Variants in N4BP2 observed in about 807,000 individuals in gnomAD.
The protein encoded by N4BP2 is NEDD4 binding protein 2.
A neutral mutation model predicts 152.8 loss-of-function variants in N4BP2; 91 were observed. The observed-to-expected ratio is 0.60, with a 90% CI of 0.50 to 0.71. The LOEUF is 0.71. N4BP2 is among the 30% of genes least tolerant of loss of function. The pLI, the probability that N4BP2 is intolerant of heterozygous loss-of-function variation, is 0.00. For missense variants in N4BP2, 1,923 were observed against 2,059.1 expected (o/e 0.93, Z 1.28); for synonymous variants, 646 against 705.3 (o/e 0.92, Z 1.33).
intron 2 of N4BP2, among the ~76,000 whole-genome samples, chr4:40,092,009 TA>T (rs1560584825): frequency 1.8e-3 from 27 of 14,806 alleles, no homozygotes; most frequent in East Asian, 2.8e-3. Context: ...AAAAAAAAAT[TA>T]TATATATATA....
At position 40,131,888 on chromosome 4, in the gene N4BP2, A is replaced by G. The variant is rs770932652; in HGVS notation, c.4615A>G (p.Asn1539Asp). 1.2e-6 allele frequency: 2 copies of G among 1,613,068 alleles called. No homozygotes were observed. Among genetic ancestry groups the G allele is most frequent in the Non-Finnish European group, 8.5e-7 (1 of 1,179,254 alleles). ...LFKIFPAINQNFLVDIFKDHN... is the reference protein window; with the variant it reads ...LFKIFPAINQDFLVDIFKDHN... ...TAAGATATTTCCAGCCATTAACCAA[A>G]ATTTTCTGGTGGACATTTTCAAGGA... The change falls in exon 13 of 18, where the codon AAT (asparagine) becomes GAT (aspartate). Residue 1539 changes from asparagine (N) to aspartate (D), a missense_variant. Physicochemically the swap from Asn to Asp is conservative, Grantham distance 23 (BLOSUM62 1). Coordinates refer to ENST00000261435, the MANE Select transcript of N4BP2 (RefSeq NM_018177.6).
In N4BP2 at chr4:40,102,503, G is replaced by C; in HGVS notation, c.658G>C (p.Val220Leu). Reference protein sequence around the residue: ...LSLNPLPSHSVLNESKCFIKD... With the variant: ...LSLNPLPSHSLLNESKCFIKD... ...TTTAAACCCATTACCTTCACATTCA[G>C]TTTTGAACGAGTCCAAGTGTTTTAT... Residue 220 changes from valine (V) to leucine (L), a missense_variant, in exon 4 of 18, where the codon GTT (valine) becomes CTT (leucine). Coordinates refer to ENST00000261435, the MANE Select transcript of N4BP2 (RefSeq NM_018177.6). 6.2e-7 allele frequency: 1 copy of C among 1,614,150 alleles called. No individual in the cohort carries two copies. The highest frequency in any genetic ancestry group is 8.5e-7 in the Non-Finnish European group (1 of 1,180,026).
At chr4:40,072,211 G>A (rs1419077366) in intron 1 of N4BP2, among the ~76,000 whole-genome samples, 3 of 151,016 alleles carry the variant, frequency 2.0e-5, no homozygotes, top group Non-Finnish European at 4.4e-5. Flanking sequence ...AGTAAGCTGA[G>A]ACTACAGGCG....
intron 14 of N4BP2, among the ~76,000 whole-genome samples, chr4:40,139,477 G>C: frequency 6.8e-6 from 1 of 146,784 alleles, no homozygotes. Flanking sequence ...TATTAATTTT[G>C]TATCAGCATT....
At chr4:40,091,756 G>A (rs1245319106) in intron 2 of N4BP2, among the ~76,000 whole-genome samples, 1 of 149,160 alleles carries the variant, frequency 6.7e-6, no homozygotes. Flanking sequence ...CCACAGGTAC[G>A]TACCACTATG....
intron 2 of N4BP2, among the ~76,000 whole-genome samples, chr4:40,095,293 C>T (rs1466929323): frequency 6.6e-6 from 1 of 152,046 alleles, no homozygotes; most frequent in East Asian, 1.9e-4. Flanking sequence ...GTTGGCCAGG[C>T]CCGTCTCAAA....
At chr4:40,145,574 G>C (rs1425641262) in intron 16 of N4BP2, among the ~76,000 whole-genome samples, 2 of 152,106 alleles carry the variant, frequency 1.3e-5, no homozygotes, top group African/African-American at 4.8e-5. Context: ...GTAAAGATTA[G>C]AAAAGAGAAA....
intron 12 of N4BP2, among the ~76,000 whole-genome samples, chr4:40,127,304 A>C (rs1265467514): frequency 6.7e-6 from 1 of 149,758 alleles, no homozygotes; most frequent in Non-Finnish European, 1.5e-5. Flanking sequence ...TGCAGCCTCA[A>C]CCTCCTGGGT....
chr4:40,102,503 G>A lies in N4BP2; in HGVS notation c.658G>A (p.Val220Ile), dbSNP rs778863068. The A allele has an allele frequency of 6.2e-7, 1 of 1,614,150 alleles. No homozygotes were observed. The highest frequency in any genetic ancestry group is 8.5e-7 in the Non-Finnish European group (1 of 1,180,026). ...LSLNPLPSHS[V>I]LNESKCFIKD... The stretch of plus-strand genomic sequence containing the variant: ...TTTAAACCCATTACCTTCACATTCA[G>A]TTTTGAACGAGTCCAAGTGTTTTAT... Residue 220 changes from valine to isoleucine, a missense_variant, in exon 4 of 18, where the codon GTT becomes ATT. By Grantham distance (29) the Val-to-Ile change is conservative (BLOSUM62 3). Coordinates refer to ENST00000261435, the MANE Select transcript of N4BP2 (RefSeq NM_018177.6).
chr4:40,108,025 G>A (rs1201511851), intron 5 of N4BP2, among the ~76,000 whole-genome samples: 1 of 151,814 alleles, frequency 6.6e-6, no homozygotes, highest in African/African-American at 2.4e-5. Context: ...CCACGTTCAA[G>A]GGATTCTCAT....
intron 16 of N4BP2, among the ~76,000 whole-genome samples, chr4:40,145,906 TAATCCCAGCACTTC>T (rs1009855569): frequency 2.0e-5 from 3 of 152,126 alleles, no homozygotes; most frequent in Admixed American, 2.0e-4. Context: ...CTCATGCCTG[TAATCCCAGCACTTC>T]GGAGGCCGAG....
intron 14 of N4BP2, among the ~76,000 whole-genome samples, chr4:40,141,393 C>T (rs1383242660): frequency 1.3e-5 from 2 of 151,144 alleles, no homozygotes; most frequent in African/African-American, 2.4e-5. Context: ...CAGAGACGCT[C>T]CTCACCTCCC....
chr4:40,151,922 G>T (rs1721185801), intron 16 of N4BP2, among the ~76,000 whole-genome samples: 1 of 151,990 alleles, frequency 6.6e-6, no homozygotes, highest in African/African-American at 2.4e-5. Context: ...TTAATAAGCA[G>T]ACCGTGGAAT....
the N4BP2 span, among the ~76,000 whole-genome samples, chr4:40,188,568 A>G: frequency 6.6e-6 from 1 of 151,982 alleles, no homozygotes; most frequent in Non-Finnish European, 1.5e-5. Context: ...AACATAGGGA[A>G]ACCCGACTCT....
chr4:40,150,532 A>T (rs769224269), intron 16 of N4BP2, among the ~76,000 whole-genome samples: 2 of 152,172 alleles, frequency 1.3e-5, no homozygotes, highest in African/African-American at 2.4e-5. Flanking sequence ...TTAGCTGGGC[A>T]TGATGTCTCA....
chr4:40,188,129 C>T, the N4BP2 span, among the ~76,000 whole-genome samples: 1 of 152,144 alleles, frequency 6.6e-6, no homozygotes, highest in African/African-American at 2.4e-5. Flanking sequence ...GTCAATGAGC[C>T]ATTTGGAATT....
chr4:40,063,508 A>G (rs559421169), intron 1 of N4BP2, among the ~76,000 whole-genome samples: 35 of 152,310 alleles, frequency 2.3e-4, no homozygotes, highest in African/African-American at 7.5e-4. Context: ...GCTCACTTAC[A>G]TGGCCAGGGA....
intron 14 of N4BP2, among the ~76,000 whole-genome samples, chr4:40,141,663 C>G (rs1005143164): frequency 2.0e-4 from 30 of 152,108 alleles, no homozygotes; most frequent in African/African-American, 7.2e-4. Flanking sequence ...GGCAGAGACG[C>G]TCCTCACTTC....
intron 5 of N4BP2, among the ~76,000 whole-genome samples, chr4:40,111,382 G>T (rs781043758): frequency 1.3e-4 from 19 of 151,490 alleles, no homozygotes; most frequent in Admixed American, 6.6e-4. Flanking sequence ...GTACAATGGC[G>T]TGGTCTCAGC....
Sources: allele counts gnomAD v4.1 joint callset (sites outside exome capture counted in the v4.1 genomes callset), GRCh38; gene constraint gnomAD v4.1.1; transcripts MANE v1.5; gene names NCBI Gene and HGNC (gene_info 2026-07-23, HGNC 2026-07-21).